GABRB1: variants seen among roughly 807,000 people sequenced by gnomAD.
The protein encoded by GABRB1 is gamma-aminobutyric acid type A receptor subunit beta1.
GABRB1 carries 17 observed loss-of-function variants against 51.6 expected under a neutral mutation model. The ratio of observed to expected loss-of-function variants is 0.33; its 90% CI spans 0.23 to 0.49. GABRB1 has a LOEUF of 0.49. Among genes scored for constraint, GABRB1 ranks in the 20% least tolerant of loss-of-function variants. The pLI is 0.99. For synonymous variants in GABRB1, 247 were observed against 218.9 expected, an observed-to-expected ratio of 1.13 and a Z score of -1.14; for missense variants, 410 against 600.6, an observed-to-expected ratio of 0.68 and a Z score of 3.32.
At chr4:47,002,191 G>A (rs1454922505) in intron 1 of GABRB1, among the ~76,000 whole-genome samples, 1 of 152,258 alleles carries the variant, frequency 6.6e-6, no homozygotes, top group African/African-American at 2.4e-5. Flanking sequence ...ACCATACAAT[G>A]TAAAACACAT....
At chr4:47,307,935 C>A (rs894587717) in intron 4 of GABRB1, among the ~76,000 whole-genome samples, 1 of 151,852 alleles carries the variant, frequency 6.6e-6, no homozygotes, top group Admixed American at 6.6e-5. Flanking sequence ...AACTGAGAAC[C>A]AGTGAAGAAA....
At chr4:47,009,194 T>G (rs558531462) in intron 1 of GABRB1, among the ~76,000 whole-genome samples, 148 of 150,330 alleles carry the variant, frequency 9.8e-4, no homozygotes, top group Middle Eastern at 3.5e-3. Context: ...TCAATATTTT[T>G]GTATATAAAT....
At chr4:47,411,356 T>C (rs1156702459) in intron 8 of GABRB1, among the ~76,000 whole-genome samples, 1 of 152,130 alleles carries the variant, frequency 6.6e-6, no homozygotes, top group African/African-American at 2.4e-5. Context: ...AACTTGGATG[T>C]CTCTCAAGGG....
chr4:47,321,305 T>C (rs949661057), intron 5 of GABRB1, among the ~76,000 whole-genome samples: 2 of 151,964 alleles, frequency 1.3e-5, no homozygotes, highest in Non-Finnish European at 2.9e-5. Context: ...TGTTGAAGAG[T>C]AGTGTCTCAT....
At chr4:47,024,655 T>G (rs1318710825) in intron 1 of GABRB1, among the ~76,000 whole-genome samples, 1 of 151,590 alleles carries the variant, frequency 6.6e-6, no homozygotes, top group Admixed American at 6.6e-5. Context: ...TTTGTGAGAT[T>G]TTGGTGCACC....
intron 4 of GABRB1, among the ~76,000 whole-genome samples, chr4:47,164,057 A>G (rs1718070093): frequency 6.6e-6 from 1 of 151,998 alleles, no homozygotes; most frequent in Non-Finnish European, 1.5e-5. Context: ...GAGGAACCCC[A>G]TACTTACCAA....
At chr4:47,205,145 C>T (rs1369350450) in intron 4 of GABRB1, among the ~76,000 whole-genome samples, 1 of 152,132 alleles carries the variant, frequency 6.6e-6, no homozygotes, top group Non-Finnish European at 1.5e-5. Context: ...ATAGACTCTA[C>T]TTCTAATTCT....
chr4:47,279,064 T>A lies in GABRB1; in HGVS notation c.462-41063T>A, dbSNP rs1723183979. Among the ~76,000 whole-genome samples the A allele has an allele frequency of 1.3e-5, 2 of 151,630 alleles. 1 individual carries two copies. The highest frequency in any genetic ancestry group is 4.1e-4 in the South Asian group (2 of 4,820). ...TGATCTAAGCATAGATAAGCCCTTGTTTCCCACTCTTTCTTAGGAATGGAT... is the reference window on the plus strand; with the variant it reads ...TGATCTAAGCATAGATAAGCCCTTGATTCCCACTCTTTCTTAGGAATGGAT... On this transcript the variant is annotated intron_variant, in intron 4 of 8. Coordinates refer to ENST00000295454, the MANE Select transcript of GABRB1 (RefSeq NM_000812.4).
chr4:47,136,278 G>A (rs1351840986), intron 3 of GABRB1, among the ~76,000 whole-genome samples: 1 of 151,984 alleles, frequency 6.6e-6, no homozygotes, highest in African/African-American at 2.4e-5. Flanking sequence ...AGGCATAGCG[G>A]CCTTGAATAC....
At chr4:47,125,015 A>G (rs1259898995) in intron 3 of GABRB1, among the ~76,000 whole-genome samples, 4 of 152,208 alleles carry the variant, frequency 2.6e-5, no homozygotes, top group Non-Finnish European at 5.9e-5. Context: ...TAACCTGAAG[A>G]AGATTATATA....
intron 3 of GABRB1, among the ~76,000 whole-genome samples, chr4:47,128,895 AAATCCCTTAGGT>A (rs1442074489): frequency 9.9e-5 from 15 of 152,198 alleles, no homozygotes; most frequent in Admixed American, 2.0e-4. Flanking sequence ...TTAAATAGGT[AAATCCCTTAGGT>A]ACAAAACCGT....
At chr4:47,392,133 G>T (rs1211914123) in intron 5 of GABRB1, among the ~76,000 whole-genome samples, 1 of 151,662 alleles carries the variant, frequency 6.6e-6, no homozygotes, top group Non-Finnish European at 1.5e-5. Flanking sequence ...AGTGCTAAAC[G>T]GGCAGATGTC....
chr4:46,994,452 GAA>G (rs1409200333), intron 1 of GABRB1: 2 of 149,366 alleles, frequency 1.3e-5, no homozygotes, highest in Non-Finnish European at 1.5e-5. Flanking sequence ...AGTGGGGGGG[GAA>G]AGAGAAAATG....
rs372521406 is a variant in GABRB1, at chr4:47,147,463, G to C, written c.241-13786G>C. On this transcript the variant is annotated intron_variant, in intron 3 of 8. Coordinates refer to ENST00000295454, the MANE Select transcript of GABRB1 (RefSeq NM_000812.4). ...TGACTTATTCAGCAAATAGTAGTTT[G>C]GGCATCCACTAGACGGCAGGCCCTG... 8.7e-4 allele frequency among the ~76,000 whole-genome samples: 132 copies of C among 152,156 alleles called. 3 individuals are homozygous for C. In the South Asian group the frequency reaches 0.026, roughly 30 times the overall value.
At chr4:47,336,434 TCA>T (rs1725698590) in intron 5 of GABRB1, among the ~76,000 whole-genome samples, 2 of 152,154 alleles carry the variant, frequency 1.3e-5, no homozygotes, top group Admixed American at 1.3e-4. Flanking sequence ...CATAACTCTA[TCA>T]GTAGGTGCCA....
At position 47,291,453 on chromosome 4, in the gene GABRB1, T is replaced by C. The variant is rs73133935; in HGVS notation, c.462-28674T>C. ...AGCCCCCCGACCCACACAGAGTCCATATGGGGCACTGCCTAGTGAAGCTGT... is the reference window on the plus strand; with the variant it reads ...AGCCCCCCGACCCACACAGAGTCCACATGGGGCACTGCCTAGTGAAGCTGT... On this transcript the variant is annotated intron_variant, in intron 4 of 8. Coordinates refer to ENST00000295454, the MANE Select transcript of GABRB1 (RefSeq NM_000812.4). 8.4e-3 allele frequency among the ~76,000 whole-genome samples: 1,278 copies of C among 152,176 alleles called. 22 individuals are homozygous for C. The highest frequency in any genetic ancestry group is 0.029 in the African/African-American group (1,208 of 41,520).
intron 5 of GABRB1, among the ~76,000 whole-genome samples, chr4:47,355,716 T>A (rs1726541914): frequency 6.6e-6 from 1 of 152,218 alleles, no homozygotes; most frequent in Non-Finnish European, 1.5e-5. Flanking sequence ...TAGAAATTGT[T>A]AGCACCATTA....
At chr4:47,077,828 ATATAT>A (rs2109558894) in intron 3 of GABRB1, among the ~76,000 whole-genome samples, 1 of 140,778 alleles carries the variant, frequency 7.1e-6, no homozygotes, top group Non-Finnish European at 1.5e-5. Flanking sequence ...AAAATATAAT[ATATAT>A]TATATATTTT....
At chr4:47,115,234 G>A (rs897243253) in intron 3 of GABRB1, among the ~76,000 whole-genome samples, 5 of 151,952 alleles carry the variant, frequency 3.3e-5, no homozygotes, top group African/African-American at 1.2e-4. Flanking sequence ...TTATCCCCAG[G>A]CTTTTTCCTA....
Sources: allele counts gnomAD v4.1 joint callset (sites outside exome capture counted in the v4.1 genomes callset), GRCh38; gene constraint gnomAD v4.1.1; transcripts MANE v1.5; gene names NCBI Gene and HGNC (gene_info 2026-07-23, HGNC 2026-07-21).